SLC36A1: variants seen among roughly 807,000 people sequenced by gnomAD.
The protein encoded by SLC36A1 is solute carrier family 36 member 1, also known as proton-coupled amino acid transporter 1.
In SLC36A1, 30 loss-of-function variants were observed where a neutral mutation model predicts 47.5. The observed-to-expected ratio is 0.63, with a 90% CI of 0.47 to 0.86. SLC36A1 has a LOEUF of 0.86. Ranked by LOEUF, SLC36A1 falls within the 40% of genes least tolerant of loss-of-function variation. SLC36A1 has a pLI of 0.00. For missense variants in SLC36A1, 517 were observed against 606.0 expected (o/e 0.85, Z 1.54); for synonymous variants, 255 against 249.7 (o/e 1.02, Z -0.20).
the SLC36A1 span, among the ~76,000 whole-genome samples, chr5:151,351,210 A>G: frequency 6.6e-6 from 1 of 152,148 alleles, no homozygotes; most frequent in Non-Finnish European, 1.5e-5. Flanking sequence ...TGTCTCACCG[A>G]TTGGGAAACT....
chr5:151,426,299 G>T, the SLC36A1 span, among the ~76,000 whole-genome samples: 1 of 151,894 alleles, frequency 6.6e-6, no homozygotes, highest in Non-Finnish European at 1.5e-5. Flanking sequence ...GAGGACCTGC[G>T]CCAGCACTGG....
chr5:151,512,517 C>T, the SLC36A1 span: 1 of 1,614,124 alleles, frequency 6.2e-7, no homozygotes, highest in East Asian at 2.2e-5. The surrounding 1 kb of genome is among the most constrained non-coding windows in gnomAD (Gnocchi z 4.1). Context: ...TGGAGTGCCA[C>T]TCGTGGTCAT....
the SLC36A1 span, among the ~76,000 whole-genome samples, chr5:151,373,643 A>C: frequency 1.3e-5 from 2 of 152,230 alleles, no homozygotes; most frequent in African/African-American, 2.4e-5. Context: ...AGGAAGAAGA[A>C]ATATTATTCC....
At chr5:151,409,294 C>T in the SLC36A1 span, among the ~76,000 whole-genome samples, 4 of 152,050 alleles carry the variant, frequency 2.6e-5, no homozygotes, top group African/African-American at 4.8e-5. Flanking sequence ...TGAACCACTG[C>T]ATCTGGTTGG....
the SLC36A1 span, among the ~76,000 whole-genome samples, chr5:151,401,447 G>A: frequency 6.6e-6 from 1 of 152,192 alleles, no homozygotes; most frequent in African/African-American, 2.4e-5. Flanking sequence ...GTAGTTTGAA[G>A]TCAGGTAATG....
the SLC36A1 span, among the ~76,000 whole-genome samples, chr5:151,417,452 G>A: frequency 3.9e-5 from 6 of 152,150 alleles, no homozygotes; most frequent in East Asian, 1.9e-4. Context: ...CCCTACCCAC[G>A]AAACCATTTT....
chr5:151,510,252 G>A, the SLC36A1 span: 1 of 1,484,448 alleles, frequency 6.7e-7, no homozygotes. Context: ...AGACTGGTGT[G>A]TTTGTGCAGC....
At chr5:151,543,018 G>A in the SLC36A1 span, 7 of 1,614,066 alleles carry the variant, frequency 4.3e-6, no homozygotes, top group Non-Finnish European at 5.9e-6. Flanking sequence ...CCTCTGGAAG[G>A]TCTTCAGGTG....
the SLC36A1 span, chr5:151,380,597 T>C: frequency 2.9e-5 from 16 of 549,512 alleles, no homozygotes; most frequent in African/African-American, 3.0e-4. Flanking sequence ...ATCAGTTCCC[T>C]GTCCACTGAA....
At chr5:151,384,732 A>G in the SLC36A1 span, among the ~76,000 whole-genome samples, 2 of 152,176 alleles carry the variant, frequency 1.3e-5, no homozygotes, top group African/African-American at 2.4e-5. Context: ...CTCACCCAGT[A>G]TAAAAAAGCT....
the SLC36A1 span, among the ~76,000 whole-genome samples, chr5:151,344,964 G>A: frequency 6.6e-6 from 1 of 152,114 alleles, no homozygotes; most frequent in African/African-American, 2.4e-5. Context: ...TTGGGCTCCA[G>A]AGGGATTTCT....
At chr5:151,362,289 C>T in the SLC36A1 span, among the ~76,000 whole-genome samples, 2 of 151,826 alleles carry the variant, frequency 1.3e-5, no homozygotes, top group East Asian at 3.9e-4. Context: ...AATAGCCTGT[C>T]TCCAAGCTCA....
the SLC36A1 span, among the ~76,000 whole-genome samples, chr5:151,354,767 C>T: frequency 1.3e-5 from 2 of 152,184 alleles, no homozygotes; most frequent in African/African-American, 2.4e-5. Flanking sequence ...ATTGGAACCC[C>T]TGCACATGCA....
chr5:151,440,274 C>T (rs905554991), intron 1 of SLC36A1, among the ~76,000 whole-genome samples: 3 of 152,154 alleles, frequency 2.0e-5, no homozygotes, highest in Admixed American at 6.5e-5. Flanking sequence ...AGGGCTGCCA[C>T]GAGGATTGAC....
chr5:151,555,452 C>T, the SLC36A1 span, among the ~76,000 whole-genome samples: 2 of 149,312 alleles, frequency 1.3e-5, no homozygotes, highest in Non-Finnish European at 3.0e-5. Context: ...CTCACTGCAA[C>T]CTCCGTCTCC....
At chr5:151,388,482 C>T in the SLC36A1 span, among the ~76,000 whole-genome samples, 1 of 92,180 alleles carries the variant, frequency 1.1e-5, no homozygotes, top group Non-Finnish European at 2.0e-5. Context: ...GCCTGGGCAA[C>T]AAGAGTAAAA....
the SLC36A1 span, chr5:151,507,758 A>G: frequency 7.4e-6 from 5 of 676,866 alleles, no homozygotes; most frequent in South Asian, 2.0e-5. Flanking sequence ...TATCAAGCAT[A>G]TCAACATCAG....
upstream of SLC36A1, among the ~76,000 whole-genome samples, chr5:151,436,409 A>C (rs1007375952): frequency 6.6e-6 from 1 of 152,048 alleles, no homozygotes; most frequent in Admixed American, 6.5e-5. Flanking sequence ...GTGGATGTTG[A>C]GGGCCACCCC....
chr5:151,357,508 A>C, the SLC36A1 span, among the ~76,000 whole-genome samples: 5 of 152,274 alleles, frequency 3.3e-5, no homozygotes, highest in Admixed American at 3.3e-4. Flanking sequence ...TATCTGATTT[A>C]TCTCTTCTTT....
Sources: allele counts gnomAD v4.1 joint callset (sites outside exome capture counted in the v4.1 genomes callset), GRCh38; gene constraint gnomAD v4.1.1; non-coding constraint Gnocchi (gnomAD v3.1); transcripts MANE v1.5; gene names NCBI Gene and HGNC (gene_info 2026-07-23, HGNC 2026-07-21).